The following AXIN1 variants were observed in gnomAD, a reference collection of about 807,000 sequenced individuals.
The protein encoded by AXIN1 is axin-1.
In AXIN1, 30 loss-of-function variants were observed where a neutral mutation model predicts 76.4. The ratio of observed to expected loss-of-function variants is 0.39; its 90% CI spans 0.29 to 0.53. The LOEUF is 0.53. Ranked by LOEUF, AXIN1 falls within the 20% of genes least tolerant of loss-of-function variation. The pLI, the probability that AXIN1 is intolerant of heterozygous loss-of-function variation, is 0.66. For missense variants in AXIN1, 1,140 were observed against 1,198.8 expected (o/e 0.95, Z 0.72); for synonymous variants, 545 against 501.4 (o/e 1.09, Z -1.16).
intron 2 of AXIN1, among the ~76,000 whole-genome samples, chr16:345,753 T>C (rs1161211572): frequency 1.3e-5 from 2 of 152,004 alleles, no homozygotes; most frequent in Non-Finnish European, 2.9e-5. Flanking sequence ...CTCCAATTCT[T>C]ATCGATGCCC....
chr16:310,170 G>T, intron 3 of AXIN1, 101 bp from the exon 4 acceptor site: 3 of 1,049,790 alleles, frequency 2.9e-6, no homozygotes, highest in Non-Finnish European at 4.3e-6. Flanking sequence ...AGCAGGCAAT[G>T]ATGAGGACAC....
At chr16:333,346 T>C (rs2053733181) in intron 2 of AXIN1, among the ~76,000 whole-genome samples, 1 of 147,554 alleles carries the variant, frequency 6.8e-6, no homozygotes, top group African/African-American at 2.5e-5. Flanking sequence ...AAAAAAAAAT[T>C]AGTGGGGTGT....
intron 10 of AXIN1, 45 bp from the exon 11 acceptor site, chr16:288,293 G>T (rs1336091822): frequency 6.2e-7 from 1 of 1,612,704 alleles, no homozygotes; most frequent in Non-Finnish European, 8.5e-7. Context: ...CAGCACCGCA[G>T]ATGGGAAGGA....
At chr16:299,301 A>T (rs1430750476) in intron 5 of AXIN1, 4 of 914,334 alleles carry the variant, frequency 4.4e-6, no homozygotes, top group Non-Finnish European at 5.2e-6. Context: ...GTATTGAGTA[A>T]ATCTGGTGTC....
chr16:335,697 C>G (rs2053789210), intron 2 of AXIN1, among the ~76,000 whole-genome samples: 1 of 151,864 alleles, frequency 6.6e-6, no homozygotes, highest in South Asian at 2.1e-4. Context: ...TCCAAGGCAC[C>G]CAGTACCACA....
At chr16:320,637 A>C (rs2053418732) in intron 2 of AXIN1, among the ~76,000 whole-genome samples, 2 of 151,474 alleles carry the variant, frequency 1.3e-5, no homozygotes. Context: ...CAAGAATATA[A>C]AAATTAAAAA....
chr16:334,734 AT>A (rs1188857907), intron 2 of AXIN1, among the ~76,000 whole-genome samples: 3 of 151,834 alleles, frequency 2.0e-5, no homozygotes, highest in African/African-American at 7.3e-5. Context: ...CAGCATGCCA[AT>A]AACACAGCAC....
intron 2 of AXIN1, among the ~76,000 whole-genome samples, chr16:342,764 ACT>A (rs2053955764): frequency 6.6e-6 from 1 of 152,238 alleles, no homozygotes. Context: ...GCCCAAGGTC[ACT>A]GCAGCAGCCA....
At chr16:326,520 G>A (rs149293990) in intron 2 of AXIN1, among the ~76,000 whole-genome samples, 3,599 of 151,382 alleles carry the variant, frequency 0.024, 135 homozygotes, top group African/African-American at 0.083. Context: ...AGGCCAAGGC[G>A]GGCGGATCAT....
chr16:299,158 G>T, intron 5 of AXIN1: 2 of 985,354 alleles, frequency 2.0e-6, no homozygotes, highest in Non-Finnish European at 2.4e-6. Flanking sequence ...ACATGAAGCC[G>T]GTGGAGTTTC....
At position 347,093 on chromosome 16, in the gene AXIN1, T is replaced by A; in HGVS notation, c.-68A>T. The A allele has an allele frequency of 1.2e-6, 2 of 1,611,074 alleles. No individual in the cohort carries two copies. Among genetic ancestry groups the A allele is most frequent in the Non-Finnish European group, 1.7e-6 (2 of 1,179,980 alleles). ...TACATCAGTACTTACAGCTCCAAAG[T>A]GAATCAATCTGTCCTGTTGAAACCA... is the stretch of plus-strand genomic sequence containing the variant. On this transcript the variant is annotated 5_prime_UTR_variant, in exon 2 of 11. Transcript: ENST00000262320.
chr16:326,354 CAAAAAA>C (rs1187459071), intron 2 of AXIN1, among the ~76,000 whole-genome samples: 71 of 64,180 alleles, frequency 1.1e-3, no homozygotes, highest in African/African-American at 2.8e-3. Context: ...AACTCCGTCT[CAAAAAA>C]AAAAAAAAAA....
At chr16:338,620 G>A (rs929843035) in intron 2 of AXIN1, among the ~76,000 whole-genome samples, 1 of 152,238 alleles carries the variant, frequency 6.6e-6, no homozygotes, top group African/African-American at 2.4e-5. Context: ...CCCACTGACA[G>A]GTGCATAAAA....
chr16:327,355 G>A (rs975091842), intron 2 of AXIN1, among the ~76,000 whole-genome samples: 1 of 152,136 alleles, frequency 6.6e-6, no homozygotes, highest in Admixed American at 6.5e-5. Context: ...GGTCACTCAG[G>A]GTGGCAGACA....
In AXIN1 at chr16:288,258, G is replaced by A. The variant is rs761658717; in HGVS notation, c.2463-10C>T. 3.3e-5 allele frequency: 54 copies of A among 1,613,304 alleles called. No individual in the cohort carries two copies. The South Asian group carries it at 3.6e-4, about 11-fold the overall frequency. ...TTTCTTGAAGTAGTATCTGCAGGAC[G>A]GAGGTGAGGAGGGCAGTGAGCAGGC... On this transcript the variant is annotated splice_polypyrimidine_tract_variant and intron_variant, in intron 10 of 10. Transcript: ENST00000262320.
chr16:326,368 A>ATT (rs1555483785), intron 2 of AXIN1, among the ~76,000 whole-genome samples: 29 of 90,364 alleles, frequency 3.2e-4, no homozygotes, highest in African/African-American at 1.6e-3. Context: ...AAAAAAAAAA[A>ATT]AAAAATATAT....
chr16:352,263 C>T, intron 1 of AXIN1, 106 bp downstream of exon 1: 2 of 698,034 alleles, frequency 2.9e-6, no homozygotes, highest in Non-Finnish European at 3.5e-6. Flanking sequence ...GCGCGCCCAC[C>T]CCCTCGGTCC....
At chr16:349,991 G>C (rs1024243973) in intron 1 of AXIN1, among the ~76,000 whole-genome samples, 1 of 152,124 alleles carries the variant, frequency 6.6e-6, no homozygotes, top group Non-Finnish European at 1.5e-5. Context: ...GTTTCACCAC[G>C]TTGGCCAGGC....
At chr16:326,368 AAAAAATAT>A (rs1463148846) in intron 2 of AXIN1, among the ~76,000 whole-genome samples, 3 of 90,444 alleles carry the variant, frequency 3.3e-5, no homozygotes, top group African/African-American at 1.8e-4. Context: ...AAAAAAAAAA[AAAAAATAT>A]ATATATATAT....
Sources: gnomAD v4.1 joint callset for allele counts (sites outside exome capture counted in the v4.1 genomes callset) on GRCh38, gnomAD v4.1.1 for gene constraint, MANE v1.5 for transcripts, NCBI Gene and HGNC (gene_info 2026-07-23, HGNC 2026-07-21) for gene names.